Variants in SCN11A observed in about 807,000 individuals in gnomAD.
SCN11A encodes the protein sodium channel protein type 11 subunit alpha.
Under a neutral mutation model 162.2 loss-of-function variants are expected in SCN11A, and 122 were observed. That is an observed-to-expected ratio of 0.75 (90% CI 0.65 to 0.87). The LOEUF is 0.87. Among genes scored for constraint, SCN11A ranks in the 40% least tolerant of loss-of-function variants. SCN11A has a pLI of 0.00. For missense variants in SCN11A, 2,015 were observed against 2,181.6 expected, an observed-to-expected ratio of 0.92 and a Z score of 1.52; for synonymous variants, 758 against 751.5, an observed-to-expected ratio of 1.01 and a Z score of -0.14.
chr3:38,956,001 C>A (rs1197247857), intron 3 of SCN11A, among the ~76,000 whole-genome samples: 1 of 152,164 alleles, frequency 6.6e-6, no homozygotes, highest in Admixed American at 6.5e-5. Flanking sequence ...AATCTCAGCA[C>A]TTTGGGAGGC....
intron 11 of SCN11A, among the ~76,000 whole-genome samples, chr3:38,919,661 C>T (rs1236643945): frequency 6.6e-6 from 1 of 152,216 alleles, no homozygotes; most frequent in Non-Finnish European, 1.5e-5. Context: ...TTTTGAAAGT[C>T]TTGAATACCT....
intron 2 of SCN11A, among the ~76,000 whole-genome samples, chr3:39,001,116 C>T (rs1008243146): frequency 2.0e-5 from 3 of 152,198 alleles, no homozygotes; most frequent in Non-Finnish European, 4.4e-5. Context: ...ACCTCCTAAA[C>T]TCATTTTTTT....
chr3:38,921,306 C>T (rs756743860), intron 9 of SCN11A, 51 bp from the exon 10 acceptor site: 1 of 1,557,766 alleles, frequency 6.4e-7, no homozygotes, highest in Admixed American at 1.8e-5. Context: ...CAGCCAGACA[C>T]TCACAAAGGC....
rs753609258 is a variant in SCN11A, at chr3:38,896,890, CAAT to C, written c.2355_2357del (p.Leu786del). 10 of 1,610,618 alleles carry C rather than the reference CAAT, an allele frequency of 6.2e-6. No individual in the cohort carries two copies. Among genetic ancestry groups the C allele is most frequent in the Non-Finnish European group, 8.5e-6 (10 of 1,178,740 alleles). ...TGATCAATATGAAGACAATAACACA[CAAT>C]GATGATGATGCATTCGCTTCTTGCA... On this transcript the variant is annotated inframe_deletion, in exon 18 of 30. Coordinates refer to ENST00000302328, the MANE Select transcript of SCN11A (RefSeq NM_001349253.2).
Position 38,846,398 on chromosome 3 carries a change from C to G in SCN11A, c.*296G>C. ...AAGTGCTGGGATTACAGGCATGAGC[C>G]ACTGCGCCCGGCCTGAACTATTTCA... On this transcript the variant is annotated 3_prime_UTR_variant, in exon 30 of 30. Coordinates refer to ENST00000302328, the MANE Select transcript of SCN11A (RefSeq NM_001349253.2). 3.2e-6 allele frequency: 1 copy of G among 314,594 alleles called. No homozygotes were observed. Among genetic ancestry groups the G allele is most frequent in the Non-Finnish European group, 6.0e-6 (1 of 167,602 alleles). 19.5% of individuals were successfully genotyped at this position (314,594 alleles called of 1,614,324 possible).
chr3:39,049,209 T>C, intron 1 of SCN11A, among the ~76,000 whole-genome samples: 1 of 152,236 alleles, frequency 6.6e-6, no homozygotes, highest in Non-Finnish European at 1.5e-5. Context: ...CAAAAAGGGT[T>C]ATCTCCCAGA....
intron 28 of SCN11A, 71 bp downstream of exon 28, chr3:38,863,124 A>G: frequency 1.1e-6 from 1 of 875,832 alleles, no homozygotes; most frequent in East Asian, 2.4e-5. Context: ...GAAGGATGGC[A>G]TTACGGAAAT....
chr3:39,024,992 G>C (rs2031550867), intron 2 of SCN11A, among the ~76,000 whole-genome samples: 1 of 152,188 alleles, frequency 6.6e-6, no homozygotes, highest in African/African-American at 2.4e-5. Context: ...CCTTTTCCAA[G>C]TTGGTTTTTC....
At position 38,846,705 on chromosome 3, in the gene SCN11A, G is replaced by A. The variant is rs188441748; in HGVS notation, c.5365C>T (p.His1789Tyr). Residue 1789 changes from histidine to tyrosine, a missense_variant, in exon 30 of 30, where the codon CAC becomes TAC. His to Tyr is a moderately conservative substitution (Grantham distance 83, BLOSUM62 2). Transcript: ENST00000302328. ...SSFGVAKGKVHCD is the reference protein window; with the variant it reads ...SSFGVAKGKVYCD Reference sequence around the variant, plus strand: ...GTGGAGGTGAGGGCTCAGTCACAGTGGACCTTGCCCTTGGCCACCCCAAAG... The same window carrying A: ...GTGGAGGTGAGGGCTCAGTCACAGTAGACCTTGCCCTTGGCCACCCCAAAG... 1.9e-6 allele frequency: 3 copies of A among 1,613,744 alleles called. No homozygotes were observed. In the East Asian group the frequency reaches 6.7e-5, roughly 36 times the overall value.
chr3:38,947,864 C>A (rs2066541777), intron 5 of SCN11A, among the ~76,000 whole-genome samples: 1 of 152,238 alleles, frequency 6.6e-6, no homozygotes, highest in South Asian at 2.1e-4. Flanking sequence ...TCATTCCTTT[C>A]TCCCCAACTG....
At chr3:38,969,799 C>G (rs1231467183) in intron 2 of SCN11A, among the ~76,000 whole-genome samples, 1 of 152,210 alleles carries the variant, frequency 6.6e-6, no homozygotes, top group African/African-American at 2.4e-5. Context: ...TTGGATATCA[C>G]AGGATCAGCT....
At chr3:39,047,678 T>C (rs1459133822) in intron 1 of SCN11A, among the ~76,000 whole-genome samples, 3 of 148,966 alleles carry the variant, frequency 2.0e-5, no homozygotes, top group African/African-American at 7.8e-5. Context: ...AACAACTCAA[T>C]AGCAAAAAAA....
At chr3:38,903,793 T>G in intron 16 of SCN11A, 72 bp downstream of exon 16, 1 of 1,192,890 alleles carries the variant, frequency 8.4e-7, no homozygotes, top group Non-Finnish European at 1.2e-6. Context: ...ATTCACAAAA[T>G]GTTTAGACTT....
chr3:39,023,213 G>T (rs375673337), intron 2 of SCN11A, among the ~76,000 whole-genome samples: 1 of 150,844 alleles, frequency 6.6e-6, no homozygotes. Context: ...AATTGATAAT[G>T]GTTGATGCTA....
Position 38,847,433 on chromosome 3 carries a change from T to C in SCN11A, c.4637A>G (p.Gln1546Arg), listed in dbSNP as rs1383261090. 6.2e-7 allele frequency: 1 copy of C among 1,614,210 alleles called. No individual in the cohort carries two copies. The highest frequency in any genetic ancestry group is 1.1e-5 in the South Asian group (1 of 91,080). ...ATCCCAACCTGCTGATGTGCTTATC[T>C]GGAAGAGACAGAGCATGCTGCTGGC... ...TFASSMLCLF[Q>R]ISTSAGWDSL... The change falls in exon 30 of 30, where the codon CAG becomes CGG. Residue 1546 changes from glutamine to arginine, a missense_variant. By Grantham distance (43) the Gln-to-Arg change is conservative. Transcript: ENST00000302328.
At chr3:39,041,531 C>T (rs993282682) in intron 1 of SCN11A, among the ~76,000 whole-genome samples, 2 of 152,044 alleles carry the variant, frequency 1.3e-5, no homozygotes, top group Non-Finnish European at 1.5e-5. Context: ...CCTTACAGGC[C>T]GGGAGAGAAT....
chr3:38,930,272 G>C (rs958494488), intron 7 of SCN11A, among the ~76,000 whole-genome samples: 1 of 152,216 alleles, frequency 6.6e-6, no homozygotes, highest in African/African-American at 2.4e-5. Flanking sequence ...AAGCAGCCAA[G>C]TCCAAGAGCA....
At chr3:39,018,598 C>T (rs1368876342) in intron 2 of SCN11A, among the ~76,000 whole-genome samples, 1 of 152,136 alleles carries the variant, frequency 6.6e-6, no homozygotes, top group Non-Finnish European at 1.5e-5. Context: ...GTGGGTGGAT[C>T]ATGAGGTCAG....
Position 38,915,388 on chromosome 3 carries a change from T to C in SCN11A, c.959+4547A>G, listed in dbSNP as rs138726169. The stretch of plus-strand genomic sequence containing the variant: ...GCTCTTGCTTCTCTAACTCTTTCCA[T>C]TGTGATGTGACATTGTTTAAGTTAT... On this transcript the variant is annotated intron_variant, in intron 11 of 29. Coordinates refer to ENST00000302328, the MANE Select transcript of SCN11A (RefSeq NM_001349253.2). Among the ~76,000 whole-genome samples the C allele has an allele frequency of 8.3e-4, 127 of 152,224 alleles. 1 individual carries two copies. The highest frequency in any genetic ancestry group is 3.0e-3 in the African/African-American group (126 of 41,566).
Sources: allele counts gnomAD v4.1 joint callset (sites outside exome capture counted in the v4.1 genomes callset), GRCh38; gene constraint gnomAD v4.1.1; transcripts MANE v1.5; gene names NCBI Gene and HGNC (gene_info 2026-07-23, HGNC 2026-07-21).